The following MALRD1 variants were observed in gnomAD, a reference collection of about 807,000 sequenced individuals.
MALRD1 encodes MAM and LDL-receptor class A domain-containing protein 1.
A neutral mutation model predicts 242.1 loss-of-function variants in MALRD1; 247 were observed. The observed-to-expected ratio is 1.02, with a 90% CI of 0.92 to 1.13. The LOEUF (loss-of-function observed/expected upper bound fraction) is 1.13, where lower values mean the gene tolerates loss of function less well. Ranked by LOEUF, MALRD1 falls within the 50% of genes most tolerant of loss-of-function variation. The probability of loss-of-function intolerance (pLI) is 0.00; values close to 1 mark genes in which losing one functional copy is unlikely to be tolerated. For missense variants in MALRD1, 2,989 were observed against 2,533.1 expected (o/e 1.18, Z -3.86); for synonymous variants, 995 against 866.6 (o/e 1.15, Z -2.60).
intron 36 of MALRD1, among the ~76,000 whole-genome samples, chr10:19,685,363 C>G (rs1842539251): frequency 6.6e-6 from 1 of 152,124 alleles, no homozygotes; most frequent in African/African-American, 2.4e-5. Context: ...CTCAACATAT[C>G]TGGTAGAGTA....
intron 24 of MALRD1, among the ~76,000 whole-genome samples, chr10:19,340,913 C>A (rs534520984): frequency 6.6e-6 from 1 of 152,092 alleles, no homozygotes; most frequent in Non-Finnish European, 1.5e-5. Context: ...TCATAAACTT[C>A]ATGTTAGCAA....
chr10:19,627,885 T>A (rs1053393560), intron 36 of MALRD1, among the ~76,000 whole-genome samples: 2 of 150,898 alleles, frequency 1.3e-5, no homozygotes, highest in African/African-American at 4.9e-5. Flanking sequence ...ATAAAAATTA[T>A]GTAACAGATA....
At chr10:19,371,954 G>A (rs763169024) in intron 26 of MALRD1, among the ~76,000 whole-genome samples, 3 of 152,096 alleles carry the variant, frequency 2.0e-5, no homozygotes, top group Admixed American at 1.3e-4. Context: ...TATACAGAAG[G>A]TCTAAAGGGT....
intron 33 of MALRD1, among the ~76,000 whole-genome samples, chr10:19,586,437 T>C (rs577390542): frequency 3.1e-4 from 47 of 152,294 alleles, no homozygotes; most frequent in African/African-American, 1.1e-3. Flanking sequence ...TTAGTTTTCC[T>C]TCTAACGGAC....
intron 28 of MALRD1, among the ~76,000 whole-genome samples, chr10:19,409,270 T>C (rs1833169057): frequency 6.6e-6 from 1 of 152,134 alleles, no homozygotes; most frequent in Non-Finnish European, 1.5e-5. Flanking sequence ...ATGACATTTT[T>C]GAAATGACCG....
chr10:19,506,586 A>G (rs972494579), intron 31 of MALRD1, among the ~76,000 whole-genome samples: 1 of 151,842 alleles, frequency 6.6e-6, no homozygotes, highest in Non-Finnish European at 1.5e-5. Context: ...TTGTTGAGAT[A>G]TATATATATA....
intron 21 of MALRD1, among the ~76,000 whole-genome samples, chr10:19,287,345 T>G (rs1230700562): frequency 3.3e-5 from 5 of 152,044 alleles, no homozygotes; most frequent in Non-Finnish European, 4.4e-5. Flanking sequence ...GACATCCTAT[T>G]AAGAGGAATA....
intron 20 of MALRD1, 140 bp downstream of exon 20, chr10:19,280,363 A>G (rs1392015293): frequency 6.8e-6 from 4 of 587,726 alleles, no homozygotes; most frequent in Admixed American, 4.2e-5. Context: ...ACAGTTATTC[A>G]TACAGAAAAT....
At chr10:19,385,224 C>G (rs1366430382) in intron 26 of MALRD1, among the ~76,000 whole-genome samples, 1 of 151,762 alleles carries the variant, frequency 6.6e-6, no homozygotes, top group Non-Finnish European at 1.5e-5. Flanking sequence ...TAGTTTTCTC[C>G]TTTTGTAGTG....
At chr10:19,710,352 T>A (rs1834052356) in intron 38 of MALRD1, 1 of 152,206 alleles carries the variant, frequency 6.6e-6, no homozygotes, top group South Asian at 2.1e-4. Context: ...ATAATCATAT[T>A]TATTGATGAA....
intron 38 of MALRD1, among the ~76,000 whole-genome samples, chr10:19,716,238 A>G (rs1442269341): frequency 1.3e-5 from 2 of 152,154 alleles, no homozygotes; most frequent in African/African-American, 4.8e-5. Flanking sequence ...GTCCCCACCA[A>G]ACTTCAGCTC....
chr10:19,410,305 C>G (rs1430931641), intron 28 of MALRD1, among the ~76,000 whole-genome samples: 1 of 151,936 alleles, frequency 6.6e-6, no homozygotes, highest in Non-Finnish European at 1.5e-5. Flanking sequence ...ATCTCACGCC[C>G]AAGTTTAGTA....
intron 36 of MALRD1, among the ~76,000 whole-genome samples, chr10:19,683,133 G>GA (rs112989209): frequency 0.43 from 62,303 of 145,600 alleles, 14,390 homozygotes; most frequent in Non-Finnish European, 0.52. Context: ...CATCTCTACC[G>GA]GAAAAAAAAA....
chr10:19,658,244 C>G (rs1318271080), intron 36 of MALRD1, among the ~76,000 whole-genome samples: 1 of 152,134 alleles, frequency 6.6e-6, no homozygotes, highest in African/African-American at 2.4e-5. Context: ...GTCTACACAT[C>G]TTGCTTTCTG....
rs1588650469 is a variant in MALRD1 at position 19,172,595 on chromosome 10, C to G, written c.1831-2613C>G. The stretch of plus-strand genomic sequence containing the variant: ...GATTTTACTTCACCTCATCCCAGGG[C>G]CCACCCATTCCATTCAAATAATGTG... On this transcript the variant is annotated intron_variant, in intron 13 of 39. Coordinates refer to ENST00000454679, the MANE Select transcript of MALRD1 (RefSeq NM_001142308.3). Among the ~76,000 whole-genome samples the G allele has an allele frequency of 2.6e-5, 4 of 151,420 alleles. No homozygotes were observed. The South Asian group carries it at 8.4e-4, about 32-fold the overall frequency.
chr10:19,568,689 A>AT (rs1836366957), intron 33 of MALRD1, among the ~76,000 whole-genome samples: 2 of 137,672 alleles, frequency 1.5e-5, no homozygotes, highest in African/African-American at 4.9e-5. Flanking sequence ...AATAAGAAAA[A>AT]AATATATATT....
At chr10:19,638,801 CT>C (rs970282004) in intron 36 of MALRD1, among the ~76,000 whole-genome samples, 10 of 152,262 alleles carry the variant, frequency 6.6e-5, no homozygotes, top group African/African-American at 2.4e-4. Context: ...GGCAAGACTC[CT>C]AAGAAGGGAG....
chr10:19,309,473 T>A (rs191922926), intron 21 of MALRD1, among the ~76,000 whole-genome samples: 13 of 151,486 alleles, frequency 8.6e-5, no homozygotes, highest in Non-Finnish European at 1.9e-4. Flanking sequence ...AGTAGTGTTA[T>A]GGGCCACTAT....
rs577545229 is a variant in MALRD1 at position 19,337,954 on chromosome 10, C to T, written c.3901+6372C>T. On this transcript the variant is annotated intron_variant, in intron 24 of 39. Transcript: ENST00000454679. ...ACACACACTTGTAGTCCCAGCTACT[C>T]GGGAGGCTGGGGCAGGGGAATTGCT... is the stretch of plus-strand genomic sequence containing the variant. Among the ~76,000 whole-genome samples the T allele has an allele frequency of 4.6e-5, 7 of 151,434 alleles. No homozygotes were observed. The South Asian group carries it at 8.4e-4, about 18-fold the overall frequency.
Sources: gnomAD v4.1 joint callset for allele counts (sites outside exome capture counted in the v4.1 genomes callset) on GRCh38, gnomAD v4.1.1 for gene constraint, MANE v1.5 for transcripts, NCBI Gene and HGNC (gene_info 2026-07-23, HGNC 2026-07-21) for gene names.